The following MGAT4C variants were observed in gnomAD, a reference collection of about 807,000 sequenced individuals.
The protein encoded by MGAT4C is alpha-1,3-mannosyl-glycoprotein 4-beta-N-acetylglucosaminyltransferase C.
A neutral mutation model predicts 40.1 loss-of-function variants in MGAT4C; 19 were observed. The ratio of observed to expected loss-of-function variants is 0.47; its 90% confidence interval spans 0.33 to 0.70. MGAT4C has a LOEUF of 0.70. Among genes scored for constraint, MGAT4C ranks in the 30% least tolerant of loss-of-function variants. The pLI is 0.02. For missense variants in MGAT4C, 491 were observed against 563.2 expected (o/e 0.87, Z 1.30); for synonymous variants, 181 against 187.1 (o/e 0.97, Z 0.27).
At chr12:86,387,697 A>G (rs1324069207) in intron 3 of MGAT4C, among the ~76,000 whole-genome samples, 2 of 152,142 alleles carry the variant, frequency 1.3e-5, no homozygotes, top group Non-Finnish European at 2.9e-5. Flanking sequence ...TAACAAGCCC[A>G]TTATTACTGA....
intron 4 of MGAT4C, among the ~76,000 whole-genome samples, chr12:86,296,535 C>T (rs1008784832): frequency 3.9e-5 from 6 of 152,208 alleles, no homozygotes; most frequent in Middle Eastern, 3.2e-3. Flanking sequence ...CTGCAGGTCC[C>T]GAGGCCTGCC....
At chr12:86,705,003 G>A (rs1950429395) in intron 2 of MGAT4C, among the ~76,000 whole-genome samples, 1 of 152,002 alleles carries the variant, frequency 6.6e-6, no homozygotes, top group African/African-American at 2.4e-5. Flanking sequence ...GAAAAAGGTG[G>A]AGGCATGTTA....
At chr12:86,331,069 G>A (rs981692266) in intron 4 of MGAT4C, among the ~76,000 whole-genome samples, 1 of 152,124 alleles carries the variant, frequency 6.6e-6, no homozygotes, top group Non-Finnish European at 1.5e-5. Flanking sequence ...AGAGGCCAAG[G>A]CAAGTTTTAG....
intron 3 of MGAT4C, among the ~76,000 whole-genome samples, chr12:86,382,387 A>C (rs903646836): frequency 2.0e-5 from 3 of 152,228 alleles, no homozygotes; most frequent in African/African-American, 7.2e-5. Flanking sequence ...AAAAGCATTC[A>C]AGAGGTGACT....
intron 2 of MGAT4C, among the ~76,000 whole-genome samples, chr12:86,461,310 A>G (rs372681517): frequency 2.0e-5 from 3 of 150,142 alleles, no homozygotes; most frequent in South Asian, 4.2e-4. Flanking sequence ...CAGTGGCGCA[A>G]TCTCGGCTCA....
chr12:86,601,948 G>A (rs1405187551), intron 2 of MGAT4C, among the ~76,000 whole-genome samples: 1 of 152,138 alleles, frequency 6.6e-6, no homozygotes, highest in African/African-American at 2.4e-5. Flanking sequence ...GTGGTTCCTG[G>A]TGTCTCCGAG....
chr12:86,264,458 G>A (rs933494349), intron 4 of MGAT4C, among the ~76,000 whole-genome samples: 1 of 152,118 alleles, frequency 6.6e-6, no homozygotes, highest in African/African-American at 2.4e-5. Flanking sequence ...GCGAAGACGC[G>A]GGCTGCAGCG....
intron 1 of MGAT4C, among the ~76,000 whole-genome samples, chr12:86,124,644 C>T (rs1216137433): frequency 6.6e-6 from 1 of 151,838 alleles, no homozygotes; most frequent in Non-Finnish European, 1.5e-5. Context: ...TAGAAAATAG[C>T]AGCATTCAGA....
intron 3 of MGAT4C, among the ~76,000 whole-genome samples, chr12:86,425,853 C>A (rs1271845196): frequency 6.6e-6 from 1 of 152,090 alleles, no homozygotes; most frequent in Non-Finnish European, 1.5e-5. Flanking sequence ...TAACTAAAGA[C>A]TCATTCTGAT....
At chr12:86,714,564 C>T (rs1950612050) in intron 2 of MGAT4C, among the ~76,000 whole-genome samples, 2 of 152,080 alleles carry the variant, frequency 1.3e-5, no homozygotes, top group African/African-American at 4.8e-5. Flanking sequence ...AAACTCCTTT[C>T]ACTTGGCTCT....
chr12:86,812,449 A>G (rs1053930897), intron 1 of MGAT4C, among the ~76,000 whole-genome samples: 1 of 151,874 alleles, frequency 6.6e-6, no homozygotes, highest in African/African-American at 2.4e-5. Context: ...AGTTCTAGAC[A>G]TTTTTGCTTC....
chr12:86,617,983 A>G (rs1183957870), intron 2 of MGAT4C, among the ~76,000 whole-genome samples: 1 of 152,070 alleles, frequency 6.6e-6, no homozygotes, highest in Non-Finnish European at 1.5e-5. Context: ...ACATAATAGC[A>G]AAAAAACAAA....
At chr12:86,331,183 A>G (rs1447574371) in intron 4 of MGAT4C, among the ~76,000 whole-genome samples, 3 of 152,156 alleles carry the variant, frequency 2.0e-5, no homozygotes, top group Non-Finnish European at 2.9e-5. Flanking sequence ...GAGAGATTCA[A>G]GTGTGAAGCT....
intron 1 of MGAT4C, among the ~76,000 whole-genome samples, chr12:86,762,056 T>G: frequency 6.8e-6 from 1 of 146,156 alleles, no homozygotes; most frequent in East Asian, 2.2e-4. Flanking sequence ...AGGCTGCACT[T>G]TTTTTTTTTT....
intron 1 of MGAT4C, among the ~76,000 whole-genome samples, chr12:86,098,001 C>T (rs1874262956): frequency 6.6e-6 from 1 of 151,608 alleles, no homozygotes. Flanking sequence ...GGAAGGAACA[C>T]CTGCCTGAAT....
intron 1 of MGAT4C, among the ~76,000 whole-genome samples, chr12:86,792,885 C>T (rs1183396573): frequency 5.3e-5 from 8 of 151,964 alleles, no homozygotes; most frequent in Non-Finnish European, 7.4e-5. Context: ...GAGCTGAGAT[C>T]GTGCCACTGC....
At chr12:86,090,004 C>T (rs1446410438) in intron 1 of MGAT4C, among the ~76,000 whole-genome samples, 3 of 151,470 alleles carry the variant, frequency 2.0e-5, no homozygotes. Flanking sequence ...TTCTATTTAT[C>T]TCTACAAATA....
chr12:86,606,012 G>T lies in MGAT4C; in HGVS notation c.-229+121197C>A, dbSNP rs569294374. ...CTTACCATTATGTCAGAAGGCGAAG[G>T]GTAAGCAAGACACCTTCTTTACAAG... On this transcript the variant is annotated intron_variant, in intron 2 of 7. Transcript: ENST00000548651. Among the ~76,000 whole-genome samples the T allele has an allele frequency of 2.1e-4, 32 of 152,158 alleles. No homozygotes were observed. The East Asian group carries it at 2.5e-3, about 12-fold the overall frequency.
At chr12:86,801,113 C>T (rs374106695) in intron 1 of MGAT4C, among the ~76,000 whole-genome samples, 2 of 151,702 alleles carry the variant, frequency 1.3e-5, no homozygotes, top group East Asian at 3.9e-4. Context: ...GCAACATAAG[C>T]GTGTGGTGTA....
Sources: gnomAD v4.1 joint callset for allele counts (sites outside exome capture counted in the v4.1 genomes callset) on GRCh38, gnomAD v4.1.1 for gene constraint, MANE v1.5 for transcripts, NCBI Gene and HGNC (gene_info 2026-07-23, HGNC 2026-07-21) for gene names.